HSPA9: variants seen among roughly 807,000 people sequenced by gnomAD.
HSPA9 encodes stress-70 protein, mitochondrial.
A neutral mutation model predicts 81.5 loss-of-function variants in HSPA9; 28 were observed. The ratio of observed to expected loss-of-function variants is 0.34; its 90% CI spans 0.25 to 0.47. The LOEUF (loss-of-function observed/expected upper bound fraction) is 0.47. Ranked by LOEUF, HSPA9 falls within the 20% of genes least tolerant of loss-of-function variation. The pLI, the probability that HSPA9 is intolerant of heterozygous loss-of-function variation, is 1.00. For synonymous variants in HSPA9, 293 were observed against 290.4 expected, an observed-to-expected ratio of 1.01 and a Z score of -0.09; for missense variants, 678 against 838.0, an observed-to-expected ratio of 0.81 and a Z score of 2.36.
Position 138,575,352 on chromosome 5 carries a change from A to T in HSPA9, c.-34T>A, listed in dbSNP as rs778137825. Reference sequence around the variant, plus strand: ...AATGGAGGAGTACGAGGCAGCAAACAAGCGCTCCGACGGCAAAGAGCTGCG... The same window carrying T: ...AATGGAGGAGTACGAGGCAGCAAACTAGCGCTCCGACGGCAAAGAGCTGCG... On this transcript the variant is annotated 5_prime_UTR_variant, in exon 1 of 17. Coordinates refer to ENST00000297185, the MANE Select transcript of HSPA9 (RefSeq NM_004134.7). 2.9e-5 allele frequency: 45 copies of T among 1,561,788 alleles called. No individual in the cohort carries two copies. The highest frequency in any genetic ancestry group is 3.7e-5 in the Non-Finnish European group (42 of 1,135,908).
chr5:138,569,896 G>GTTT (rs11368588), intron 4 of HSPA9, among the ~76,000 whole-genome samples: 13 of 144,930 alleles, frequency 9.0e-5, no homozygotes, highest in Non-Finnish European at 1.2e-4. Context: ...TATGCTTCTA[G>GTTT]TTTTTTTTTT....
intron 1 of HSPA9, among the ~76,000 whole-genome samples, chr5:138,574,450 C>G (rs543971902): frequency 6.6e-6 from 1 of 152,248 alleles, no homozygotes; most frequent in East Asian, 1.9e-4. Context: ...AAGTGACAAC[C>G]TAAAATATCC....
At chr5:138,557,197 T>A in intron 14 of HSPA9, 1 of 625,730 alleles carries the variant, frequency 1.6e-6, no homozygotes, top group Middle Eastern at 4.1e-4. Flanking sequence ...ACTTTCTTGT[T>A]CAAGCGATTC....
intron 10 of HSPA9, chr5:138,560,684 C>T (rs1433346989): frequency 4.5e-6 from 1 of 224,708 alleles, no homozygotes; most frequent in African/African-American, 2.3e-5. Flanking sequence ...CCTCAGCCTC[C>T]CAAGTAGCTG....
At chr5:138,572,051 G>C (rs1373588641) in intron 3 of HSPA9, among the ~76,000 whole-genome samples, 1 of 140,406 alleles carries the variant, frequency 7.1e-6, no homozygotes, top group Admixed American at 8.0e-5. Context: ...TGACCTGCCA[G>C]CCTCAGCTGA....
chr5:138,570,193 G>A (rs1278509373), intron 4 of HSPA9, among the ~76,000 whole-genome samples: 1 of 151,990 alleles, frequency 6.6e-6, no homozygotes, highest in Non-Finnish European at 1.5e-5. Context: ...GAAAAAGGCA[G>A]GCTGGGCATG....
At chr5:138,556,906 A>G (rs777222540) in intron 14 of HSPA9, 40 bp from the exon 15 acceptor site, 1 of 1,440,474 alleles carries the variant, frequency 6.9e-7, no homozygotes, top group Admixed American at 1.7e-5. Flanking sequence ...CTTTCCAATC[A>G]ACCAAAGTTT....
At chr5:138,574,160 AGT>A in intron 1 of HSPA9, 34 bp from the exon 2 acceptor site, 1 of 1,520,408 alleles carries the variant, frequency 6.6e-7, no homozygotes, top group Non-Finnish European at 9.1e-7. Context: ...GTCACCAACC[AGT>A]GTGTATCCTG....
intron 14 of HSPA9, 186 bp from the exon 15 acceptor site, chr5:138,557,052 C>A (rs1750543045): frequency 7.8e-6 from 5 of 642,382 alleles, no homozygotes; most frequent in South Asian, 7.1e-5. Flanking sequence ...GATTTTGTAA[C>A]ATCAGAATTG....
chr5:138,557,605 A>C, intron 13 of HSPA9, 109 bp from the exon 14 acceptor site: 1 of 792,610 alleles, frequency 1.3e-6, no homozygotes. Context: ...CTTGATACAA[A>C]TTATGAAGAG....
intron 1 of HSPA9, chr5:138,575,030 G>A (rs1360777625): frequency 1.7e-6 from 1 of 604,134 alleles, no homozygotes; most frequent in Non-Finnish European, 3.0e-6. Flanking sequence ...ATCGCGAGGG[G>A]TGTGACTCAG....
intron 11 of HSPA9, 25 bp from the exon 12 acceptor site, chr5:138,558,682 GTT>G: frequency 7.0e-7 from 1 of 1,421,186 alleles, no homozygotes; most frequent in Non-Finnish European, 1.0e-6. Flanking sequence ...ACCCTCCTGG[GTT>G]GTCAATGTGA....
At position 138,571,371 on chromosome 5, in the gene HSPA9, A is replaced by T. The variant is rs562742327; in HGVS notation, c.229-230T>A. Among the ~76,000 whole-genome samples, 10 of 151,850 alleles carry T rather than the reference A, an allele frequency of 6.6e-5. 1 individual carries two copies. Among genetic ancestry groups the T allele is most frequent in the African/African-American group, 2.4e-4 (10 of 41,378 alleles). ...AATTTTTCGGCATTTTTTAGTAGAGACGGGGGTTTCACCATTTTGGCCAGG... is the reference window on the plus strand; with the variant it reads ...AATTTTTCGGCATTTTTTAGTAGAGTCGGGGGTTTCACCATTTTGGCCAGG... On this transcript the variant is annotated intron_variant, in intron 3 of 16. Coordinates refer to ENST00000297185, the MANE Select transcript of HSPA9 (RefSeq NM_004134.7).
intron 2 of HSPA9, 70 bp from the exon 3 acceptor site, chr5:138,573,920 T>C: frequency 2.2e-6 from 3 of 1,341,394 alleles, no homozygotes; most frequent in Non-Finnish European, 3.2e-6. Flanking sequence ...GAAGATAATA[T>C]TTAATTGGAA....
At chr5:138,556,939 A>G (rs1042944356) in intron 14 of HSPA9, 73 bp from the exon 15 acceptor site, 4 of 986,900 alleles carry the variant, frequency 4.1e-6, no homozygotes, top group South Asian at 1.3e-5. Flanking sequence ...TACTCAGACA[A>G]TAAGCTATGT....
Position 138,558,936 on chromosome 5 carries a change from T to C in HSPA9, c.1411-279A>G, listed in dbSNP as rs1236143480. 1.0e-5 allele frequency: 4 copies of C among 384,296 alleles called. No homozygotes were observed. In the Admixed American group the frequency reaches 1.5e-4, roughly 14 times the overall value. The allele number at this position is 384,296 out of a possible 1,614,324, so 23.8% of individuals were successfully genotyped here. ...GAACTAAAATGTTGAAACATGCTCATCTGGGGAAACGGGATCAGAGAAAGA... is the reference window on the plus strand; with the variant it reads ...GAACTAAAATGTTGAAACATGCTCACCTGGGGAAACGGGATCAGAGAAAGA... On this transcript the variant is annotated intron_variant, in intron 11 of 16. Coordinates refer to ENST00000297185, the MANE Select transcript of HSPA9 (RefSeq NM_004134.7).
chr5:138,563,545 T>A (rs953074006), intron 9 of HSPA9, among the ~76,000 whole-genome samples: 1 of 152,092 alleles, frequency 6.6e-6, no homozygotes, highest in African/African-American at 2.4e-5. Context: ...CTACACCCAC[T>A]CAGGGTGCCT....
intron 1 of HSPA9, chr5:138,574,984 G>T: frequency 1.7e-6 from 1 of 585,618 alleles, no homozygotes. Flanking sequence ...CAGGCCATGA[G>T]GACCACTACC....
chr5:138,557,337 C>T, intron 14 of HSPA9, 65 bp downstream of exon 14: 2 of 1,124,988 alleles, frequency 1.8e-6, no homozygotes, highest in Non-Finnish European at 2.7e-6. Context: ...GCGCCCAGCC[C>T]CAAACTCCCA....
Sources: allele counts gnomAD v4.1 joint callset (sites outside exome capture counted in the v4.1 genomes callset), GRCh38; gene constraint gnomAD v4.1.1; transcripts MANE v1.5; gene names NCBI Gene and HGNC (gene_info 2026-07-23, HGNC 2026-07-21).